Variants in LIMK1 observed in about 807,000 individuals in gnomAD.
The protein encoded by LIMK1 is LIM domain kinase 1.
LIMK1 carries 21 observed loss-of-function variants against 77.6 expected under a neutral mutation model. The ratio of observed to expected loss-of-function variants is 0.27; its 90% CI spans 0.19 to 0.39. The LOEUF (loss-of-function observed/expected upper bound fraction) is 0.39, where lower values mean the gene tolerates loss of function less well. LIMK1 is among the 10% of genes least tolerant of loss of function. The pLI is 1.00. For synonymous variants in LIMK1, 358 were observed against 370.0 expected (o/e 0.97, Z 0.37); for missense variants, 696 against 901.6 (o/e 0.77, Z 2.92).
intron 10 of LIMK1, chr7:74,111,341 G>A (rs927754685): frequency 2.7e-6 from 1 of 368,092 alleles, no homozygotes; most frequent in Non-Finnish European, 5.1e-6. Flanking sequence ...AGGAGGCTGA[G>A]ACACAAGAAT....
chr7:74,093,556 G>A lies in LIMK1; in HGVS notation c.153-3066G>A, dbSNP rs931883475. On this transcript the variant is annotated intron_variant, in intron 2 of 15. Transcript: ENST00000336180. The stretch of plus-strand genomic sequence containing the variant: ...CCAGGGATGTGGCCCTGGGTAGAAC[G>A]ATGATTCTCCACTCCTGTCATTATG... Among the ~76,000 whole-genome samples, 4 of 152,294 alleles carry A rather than the reference G, an allele frequency of 2.6e-5. No individual in the cohort carries two copies. The East Asian group carries it at 7.7e-4, about 29-fold the overall frequency.
chr7:74,107,877 C>T lies in LIMK1; in HGVS notation c.1072C>T (p.His358Tyr). 2 of 1,569,654 alleles carry T rather than the reference C, an allele frequency of 1.3e-6. No homozygotes were observed. The highest frequency in any genetic ancestry group is 4.7e-5 in the East Asian group (2 of 42,828). ...CTCTGTGTCCCACACGCAGGTGACA[C>T]ACCGTGAGACAGGTGAGGTGATGGT... ...GCFGQAIKVTHRETGEVMVMK... is the reference protein window; with the variant it reads ...GCFGQAIKVTYRETGEVMVMK... The change falls in exon 9 of 16, where the codon CAC becomes TAC. Residue 358 changes from histidine (H) to tyrosine (Y), a missense_variant. Physicochemically the swap from His to Tyr is moderately conservative, Grantham distance 83. Coordinates refer to ENST00000336180, the MANE Select transcript of LIMK1 (RefSeq NM_002314.4).
At chr7:74,109,145 C>T (rs1554698232) in intron 10 of LIMK1, 109 bp downstream of exon 10, 1 of 854,074 alleles carries the variant, frequency 1.2e-6, no homozygotes, top group South Asian at 1.4e-5. Context: ...ACAGGGGTCT[C>T]AAAGGCCCTC....
At chr7:74,102,180 T>G (rs1799473196) in intron 5 of LIMK1, among the ~76,000 whole-genome samples, 1 of 152,106 alleles carries the variant, frequency 6.6e-6, no homozygotes, top group Non-Finnish European at 1.5e-5. Context: ...TTTCTTTGGT[T>G]TTTTTCAACT....
Position 74,121,216 on chromosome 7 carries a change from A to C in LIMK1, c.1859A>C (p.Gln620Pro). 2 of 1,613,834 alleles carry C rather than the reference A, an allele frequency of 1.2e-6. No homozygotes were observed. The highest frequency in any genetic ancestry group is 1.7e-6 in the Non-Finnish European group (2 of 1,179,968). Residue 620 changes from glutamine to proline, a missense_variant, in exon 16 of 16, where the codon CAG becomes CCG. Gln to Pro is a moderately conservative substitution (Grantham distance 76). Transcript: ENST00000336180. ...HLAGHLPLGP[Q>P]LEQLDRGFWE... ...GCCGGCCACCTGCCACTGGGCCCAC[A>C]GCTGGAGCAGCTGGACAGAGGTTTC...
chr7:74,100,196 G>A (rs976016899), intron 5 of LIMK1, among the ~76,000 whole-genome samples: 4 of 151,970 alleles, frequency 2.6e-5, no homozygotes, highest in African/African-American at 9.7e-5. Flanking sequence ...ATAATTGCAC[G>A]ACTGCACTCT....
chr7:74,117,461 G>A (rs185035189), intron 13 of LIMK1, among the ~76,000 whole-genome samples: 3 of 152,098 alleles, frequency 2.0e-5, no homozygotes, highest in Admixed American at 6.6e-5. Flanking sequence ...GGATCAGGAC[G>A]CAGTCATCTT....
chr7:74,098,094 C>T (rs1323955909), intron 4 of LIMK1, among the ~76,000 whole-genome samples: 2 of 152,158 alleles, frequency 1.3e-5, no homozygotes, highest in African/African-American at 2.4e-5. Context: ...TTCATTACAT[C>T]GTCATGACTG....
chr7:74,098,931 G>T, intron 4 of LIMK1, 101 bp from the exon 5 acceptor site: 11 of 845,272 alleles, frequency 1.3e-5, no homozygotes, highest in Non-Finnish European at 1.8e-5. Context: ...AAAAAAAAAA[G>T]GAAGGGATTG....
chr7:74,089,864 AC>A (rs1554694543), intron 2 of LIMK1, among the ~76,000 whole-genome samples: 1 of 151,658 alleles, frequency 6.6e-6, no homozygotes, highest in Non-Finnish European at 1.5e-5. Flanking sequence ...AACTTTGGGG[AC>A]CCCTGTGTCT....
intron 2 of LIMK1, among the ~76,000 whole-genome samples, chr7:74,086,247 G>A (rs1799136157): frequency 6.6e-6 from 1 of 152,066 alleles, no homozygotes; most frequent in Non-Finnish European, 1.5e-5. Flanking sequence ...GTTTTGCCAT[G>A]TTAGCCAGGC....
intron 12 of LIMK1, chr7:74,115,528 G>T (rs782710486): frequency 5.0e-6 from 2 of 398,790 alleles, no homozygotes; most frequent in East Asian, 4.1e-5. Flanking sequence ...GGTCCGCCAC[G>T]ACGGTCTGGG....
intron 2 of LIMK1, among the ~76,000 whole-genome samples, chr7:74,093,660 C>A (rs1179596262): frequency 6.6e-6 from 1 of 152,182 alleles, no homozygotes; most frequent in African/African-American, 2.4e-5. Flanking sequence ...GTGCCTCCCC[C>A]TTCTCCTGCC....
At chr7:74,092,113 C>T in intron 2 of LIMK1, among the ~76,000 whole-genome samples, 1 of 151,666 alleles carries the variant, frequency 6.6e-6, no homozygotes, top group Non-Finnish European at 1.5e-5. Context: ...CTACAGGCGC[C>T]CACCACCACA....
Position 74,120,520 on chromosome 7 carries a change from T to G in LIMK1, c.1568-63T>G, listed in dbSNP as rs1799909689. On this transcript the variant is annotated intron_variant, in intron 13 of 15. Coordinates refer to ENST00000336180, the MANE Select transcript of LIMK1 (RefSeq NM_002314.4). ...CATCCTCCCAGCTGGCCTGGTCCCCTGCCTTTTGGCATCCCTGGCACCCCC... is the reference window on the plus strand; with the variant it reads ...CATCCTCCCAGCTGGCCTGGTCCCCGGCCTTTTGGCATCCCTGGCACCCCC... 6 of 1,584,938 alleles carry G rather than the reference T, an allele frequency of 3.8e-6. No individual in the cohort carries two copies. The South Asian group carries it at 5.5e-5, about 15-fold the overall frequency.
Position 74,085,019 on chromosome 7 carries a change from C to T in LIMK1, c.56-729C>T, listed in dbSNP as rs1025617429. ...GGACCTAGCTATGTGACTGGGCAAG[C>T]CATGCCATCTCTGGGGCTCAGTCTC... On this transcript the variant is annotated intron_variant, in intron 1 of 15. Transcript: ENST00000336180. Among the ~76,000 whole-genome samples, 2 of 152,196 alleles carry T rather than the reference C, an allele frequency of 1.3e-5. 1 individual carries two copies. The highest frequency in any genetic ancestry group is 4.8e-5 in the African/African-American group (2 of 41,464).
At chr7:74,106,048 A>AC in intron 6 of LIMK1, 29 bp from the exon 7 acceptor site, 1 of 1,612,704 alleles carries the variant, frequency 6.2e-7, no homozygotes. Flanking sequence ...TCCCCACTCC[A>AC]CCCCCATTCA....
At chr7:74,105,536 C>T (rs981994503) in intron 5 of LIMK1, among the ~76,000 whole-genome samples, 49 of 147,030 alleles carry the variant, frequency 3.3e-4, no homozygotes, top group African/African-American at 1.0e-3. Flanking sequence ...AAAAAAAATT[C>T]GAGACCAAAC....
At chr7:74,111,569 C>G (rs1357523597) in intron 10 of LIMK1, 79 bp from the exon 11 acceptor site, 2 of 1,232,634 alleles carry the variant, frequency 1.6e-6, no homozygotes, top group Non-Finnish European at 2.3e-6. Flanking sequence ...CTTGCCTCTT[C>G]CTGCCTCTGT....
Sources: gnomAD v4.1 joint callset for allele counts (sites outside exome capture counted in the v4.1 genomes callset) on GRCh38, gnomAD v4.1.1 for gene constraint, MANE v1.5 for transcripts, NCBI Gene and HGNC (gene_info 2026-07-23, HGNC 2026-07-21) for gene names.